Variants in SLC30A5 observed in about 807,000 individuals in gnomAD.
The protein encoded by SLC30A5 is proton-coupled zinc antiporter SLC30A5.
In SLC30A5, 33 loss-of-function variants were observed where a neutral mutation model predicts 79.6. That is an observed-to-expected ratio of 0.41 (90% CI 0.31 to 0.55). SLC30A5 has a LOEUF of 0.55. Among genes scored for constraint, SLC30A5 ranks in the 20% least tolerant of loss-of-function variants. The pLI is 0.20. For synonymous variants in SLC30A5, 299 were observed against 319.7 expected, an observed-to-expected ratio of 0.94 and a Z score of 0.69; for missense variants, 788 against 928.1, an observed-to-expected ratio of 0.85 and a Z score of 1.96.
In SLC30A5 at chr5:69,116,305, G is replaced by T. The variant is rs1433901135; in HGVS notation, c.1073-89G>T. The stretch of plus-strand genomic sequence containing the variant: ...TTTACTTATTTTGGGAAATTCTTCA[G>T]TGCTTGCATTTAGTGCCGACAGTTA... On this transcript the variant is annotated intron_variant, in intron 9 of 15. Transcript: ENST00000396591. This position sits in a 1 kb window ranked among gnomAD's most constrained non-coding sequence, Gnocchi z 4.0. 1.3e-6 allele frequency: 2 copies of T among 1,498,666 alleles called. No homozygotes were observed. Among genetic ancestry groups the T allele is most frequent in the Non-Finnish European group, 1.8e-6 (2 of 1,117,494 alleles). The allele number at this position is 1,498,666 out of a possible 1,614,324, so 92.8% of individuals were successfully genotyped here. A position where few individuals can be genotyped will look rare whatever the true frequency, so the allele number is the denominator to read the frequency against.
intron 13 of SLC30A5, 32 bp from the exon 14 acceptor site, chr5:69,123,167 A>G (rs759136088): frequency 1.3e-6 from 2 of 1,487,862 alleles, no homozygotes; most frequent in East Asian, 4.5e-5. Flanking sequence ...ATGTGCCTTA[A>G]TTTTTAATGT....
intron 12 of SLC30A5, among the ~76,000 whole-genome samples, chr5:69,120,062 T>C (rs1188483565): frequency 6.6e-6 from 1 of 151,556 alleles, no homozygotes; most frequent in Non-Finnish European, 1.5e-5. Flanking sequence ...ATTGTACCCT[T>C]ATTTATAATA....
chr5:69,128,250 CTTT>C (rs71612509), intron 15 of SLC30A5, 118 bp downstream of exon 15: 4,118 of 283,702 alleles, frequency 0.015, no homozygotes, highest in Middle Eastern at 0.025. Flanking sequence ...TCTTCCAACT[CTTT>C]TTTTTTTTTT....
intron 14 of SLC30A5, 25 bp downstream of exon 14, chr5:69,123,450 C>T: frequency 6.5e-7 from 1 of 1,546,262 alleles, no homozygotes; most frequent in South Asian, 1.1e-5. Flanking sequence ...TTCTTCACTA[C>T]TTTCTTCCTT....
At chr5:69,100,252 G>A (rs994388080) in intron 1 of SLC30A5, among the ~76,000 whole-genome samples, 1 of 152,076 alleles carries the variant, frequency 6.6e-6, no homozygotes, top group African/African-American at 2.4e-5. Context: ...ACAGGCATGA[G>A]CGCCCAGCCT....
chr5:69,129,522 A>G lies in SLC30A5; in HGVS notation c.2203A>G (p.Met735Val). Reference protein sequence around the residue: ...QVEKEAYFQHMSGLSTGFHDV... With the variant: ...QVEKEAYFQHVSGLSTGFHDV... ...GGAAAAGGAGGCATACTTTCAACAT[A>G]TGTCTGGCCTAAGTACTGGATTTCA... The change falls in exon 16 of 16, where the codon ATG becomes GTG. Residue 735 changes from methionine to valine, a missense_variant. Coordinates refer to ENST00000396591, the MANE Select transcript of SLC30A5 (RefSeq NM_022902.5). The G allele has an allele frequency of 6.2e-7, 1 of 1,613,708 alleles. No individual in the cohort carries two copies. The highest frequency in any genetic ancestry group is 8.5e-7 in the Non-Finnish European group (1 of 1,179,826).
At chr5:69,121,964 A>G in intron 13 of SLC30A5, 69 bp downstream of exon 13, 1 of 1,336,116 alleles carries the variant, frequency 7.5e-7, no homozygotes, top group Non-Finnish European at 1.0e-6. Context: ...GTTTATTTGT[A>G]TTAAGTTTTG....
chr5:69,114,790 G>A (rs527630048), intron 7 of SLC30A5, among the ~76,000 whole-genome samples: 4 of 152,244 alleles, frequency 2.6e-5, no homozygotes, highest in Non-Finnish European at 4.4e-5. Context: ...ACTTGAACCC[G>A]GGAGGCCGAG....
chr5:69,118,589 A>G lies in SLC30A5; in HGVS notation c.1530A>G (p.Arg510=). 2 of 1,598,988 alleles carry G rather than the reference A, an allele frequency of 1.3e-6. No homozygotes were observed. Among genetic ancestry groups the G allele is most frequent in the Non-Finnish European group, 1.7e-6 (2 of 1,173,504 alleles). Residue 510 remains arginine, a synonymous_variant, in exon 12 of 16, where the codon AGA becomes AGG. Transcript: ENST00000396591. ...TTGTGTTTATGGAGTCAGTGGCTAG[A>G]TTGATTGATCCTCCAGAATTAGACA... ...AFFVFMESVA[R]LIDPPELDTH...
intron 1 of SLC30A5, among the ~76,000 whole-genome samples, chr5:69,100,169 T>C (rs1745868884): frequency 6.6e-6 from 1 of 152,176 alleles, no homozygotes; most frequent in Non-Finnish European, 1.5e-5. Context: ...GTTTTCGCCA[T>C]GTTGGCCAGG....
rs893184603 is a variant in SLC30A5, at chr5:69,097,494, C to A, written c.83+3156C>A. On this transcript the variant is annotated intron_variant, in intron 1 of 15. Transcript: ENST00000396591. Reference sequence around the variant, plus strand: ...CCCTTTCTTTTCTTTCTGACAAGTTCAGTTCCTCTGTTGCCCAGGATGGAG... The same window carrying A: ...CCCTTTCTTTTCTTTCTGACAAGTTAAGTTCCTCTGTTGCCCAGGATGGAG... Among the ~76,000 whole-genome samples the A allele has an allele frequency of 5.3e-5, 8 of 152,100 alleles. No individual in the cohort carries two copies. The South Asian group carries it at 1.0e-3, about 20-fold the overall frequency.
intron 11 of SLC30A5, chr5:69,118,275 CGT>C (rs34809708): frequency 0.33 from 47,121 of 141,384 alleles, 9,080 homozygotes; most frequent in East Asian, 0.46. Flanking sequence ...TCATATATAA[CGT>C]ATATATATTC....
intron 11 of SLC30A5, 76 bp from the exon 12 acceptor site, chr5:69,118,423 G>T: frequency 7.7e-7 from 1 of 1,302,212 alleles, no homozygotes; most frequent in Non-Finnish European, 1.0e-6. Context: ...ATTTGGACTT[G>T]TTTCCTCATT....
intron 1 of SLC30A5, among the ~76,000 whole-genome samples, chr5:69,097,410 C>G (rs1745778210): frequency 6.6e-6 from 1 of 152,044 alleles, no homozygotes; most frequent in African/African-American, 2.4e-5. Flanking sequence ...CCACTGCGCC[C>G]TGCTCTTTCT....
chr5:69,104,219 C>T (rs931617921), intron 3 of SLC30A5: 1 of 751,714 alleles, frequency 1.3e-6, no homozygotes, highest in Admixed American at 4.3e-5. Context: ...CTCACTGCAA[C>T]CTCTGCCTCC....
At chr5:69,106,195 A>G (rs1580171175) in intron 4 of SLC30A5, among the ~76,000 whole-genome samples, 1 of 152,192 alleles carries the variant, frequency 6.6e-6, no homozygotes, top group South Asian at 2.1e-4. Flanking sequence ...CAGAGTAGGT[A>G]TAATTGGAAA....
At chr5:69,117,652 G>C (rs1458248888) in intron 11 of SLC30A5, among the ~76,000 whole-genome samples, 1 of 151,974 alleles carries the variant, frequency 6.6e-6, no homozygotes, top group Non-Finnish European at 1.5e-5. Context: ...CAAGGCAGGC[G>C]GATCACCTGA....
intron 4 of SLC30A5, among the ~76,000 whole-genome samples, chr5:69,106,924 GCA>G (rs1746095952): frequency 6.6e-6 from 1 of 151,058 alleles, no homozygotes; most frequent in African/African-American, 2.4e-5. Context: ...AGAGTATATG[GCA>G]CAGTCTTGGC....
At chr5:69,095,039 C>G (rs1745682448) in intron 1 of SLC30A5, among the ~76,000 whole-genome samples, 1 of 152,080 alleles carries the variant, frequency 6.6e-6, no homozygotes, top group South Asian at 2.1e-4. Flanking sequence ...GTCGAAAATG[C>G]ACAAAATACA....
Sources: gnomAD v4.1 joint callset for allele counts (sites outside exome capture counted in the v4.1 genomes callset) on GRCh38, gnomAD v4.1.1 for gene constraint, Gnocchi (gnomAD v3.1) non-coding constraint, MANE v1.5 for transcripts, NCBI Gene and HGNC (gene_info 2026-07-23, HGNC 2026-07-21) for gene names.